The following ZIC5 variants were observed in gnomAD, a reference collection of about 807,000 sequenced individuals.
ZIC5 encodes Zic family zinc finger 5, also known as zinc finger protein ZIC 5.
Under a neutral mutation model 28.5 loss-of-function variants are expected in ZIC5, and 20 were observed. That is an observed-to-expected ratio of 0.70 (90% CI 0.49 to 1.02). The LOEUF is 1.02. ZIC5 is among the 50% of genes least tolerant of loss of function. The pLI, the probability that ZIC5 is intolerant of heterozygous loss-of-function variation, is 0.00. For missense variants in ZIC5, 951 were observed against 899.7 expected, an observed-to-expected ratio of 1.06 and a Z score of -0.73; for synonymous variants, 488 against 410.4, an observed-to-expected ratio of 1.19 and a Z score of -2.29.
chr13:99,966,578 G>T (rs1566396024), intron 1 of ZIC5, among the ~76,000 whole-genome samples: 1 of 152,128 alleles, frequency 6.6e-6, no homozygotes, highest in Non-Finnish European at 1.5e-5. Flanking sequence ...AGCAGATCGA[G>T]CTTTAACATA....
chr13:99,967,180 G>GT (rs1331116387), intron 1 of ZIC5, among the ~76,000 whole-genome samples: 1 of 152,208 alleles, frequency 6.6e-6, no homozygotes, highest in African/African-American at 2.4e-5. Context: ...TTTTACTGTA[G>GT]TGAGTTTTTA....
Position 99,970,114 on chromosome 13 carries a change from G to C in ZIC5, c.1477+13C>G, listed in dbSNP as rs775290048. 1 of 1,604,120 alleles carries C rather than the reference G, an allele frequency of 6.2e-7. No homozygotes were observed. The highest frequency in any genetic ancestry group is 8.5e-7 in the Non-Finnish European group (1 of 1,176,202). On this transcript the variant is annotated intron_variant, in intron 1 of 1. Transcript: ENST00000267294. ...TGGCGGCGGCGGCGGCGCGGCCGGG[G>C]ACAGACACCCACCTGTATGAGTACG...
At position 99,971,624 on chromosome 13, in the gene ZIC5, C is replaced by T; in HGVS notation, c.-21G>A. 6.4e-7 allele frequency: 1 copy of T among 1,560,458 alleles called. No individual in the cohort carries two copies. The highest frequency in any genetic ancestry group is 8.7e-7 in the Non-Finnish European group (1 of 1,150,948). On this transcript the variant is annotated 5_prime_UTR_variant, in exon 1 of 2. The change abolishes an upstream ATG in the 5' untranslated region. Transcript: ENST00000267294. ...TCCATCAGAACTACACAATCAGGCCCATAGACCCTCACTGGGGGGACTTTA... is the reference window on the plus strand; with the variant it reads ...TCCATCAGAACTACACAATCAGGCCTATAGACCCTCACTGGGGGGACTTTA...
At chr13:99,967,937 A>G (rs553451875) in intron 1 of ZIC5, among the ~76,000 whole-genome samples, 1 of 152,340 alleles carries the variant, frequency 6.6e-6, no homozygotes, top group South Asian at 2.1e-4. Flanking sequence ...GAATTTAACT[A>G]TTTACAGAGT....
chr13:99,968,404 C>A (rs1415516633), intron 1 of ZIC5, among the ~76,000 whole-genome samples: 2 of 152,122 alleles, frequency 1.3e-5, no homozygotes, highest in Admixed American at 6.5e-5. Flanking sequence ...CAAATGACCG[C>A]GGGTCCCCTC....
Position 99,971,535 on chromosome 13 carries a change from G to A in ZIC5, c.69C>T (p.Val23=). ...LRLADLATAQ[V]QPLQNMTGFP... ...AGCCTGTCATATTCTGAAGCGGCTG[G>A]ACCTGAGCCGTTGCCAAATCCGCTA... Residue 23 remains valine (V), a synonymous_variant, in exon 1 of 2, where the codon GTC becomes GTT. Transcript: ENST00000267294. 6.4e-7 allele frequency: 1 copy of A among 1,552,132 alleles called. No individual in the cohort carries two copies.
At chr13:99,965,939 A>G in intron 1 of ZIC5, 120 bp from the exon 2 acceptor site, 2 of 1,028,286 alleles carry the variant, frequency 1.9e-6, no homozygotes, top group Non-Finnish European at 2.8e-6. Flanking sequence ...CTCCCAGCCT[A>G]ATTCTTCTTC....
intron 1 of ZIC5, 140 bp downstream of exon 1, chr13:99,969,987 G>A: frequency 7.5e-7 from 1 of 1,333,818 alleles, no homozygotes; most frequent in Admixed American, 2.4e-5. Context: ...ACATGTCCGG[G>A]TTATACGTAT....
rs965446990 is a variant in ZIC5 at position 99,965,217 on chromosome 13, G to A, written c.*160C>T. On this transcript the variant is annotated 3_prime_UTR_variant, in exon 2 of 2. Transcript: ENST00000267294. Reference sequence around the variant, plus strand: ...AATATCTTAATTAAATTAATTAAATGTACAAACACCATAGGGTTTCATACT... The same window carrying A: ...AATATCTTAATTAAATTAATTAAATATACAAACACCATAGGGTTTCATACT... The A allele has an allele frequency of 9.1e-6, 3 of 330,270 alleles. No homozygotes were observed. Among genetic ancestry groups the A allele is most frequent in the African/African-American group, 6.9e-5 (3 of 43,580 alleles). The allele number at this position is 330,270 out of a possible 1,614,324, so 20.5% of individuals were successfully genotyped here. A position where few individuals can be genotyped will look rare whatever the true frequency, so the allele number is the denominator to read the frequency against.
At chr13:99,969,395 ATGATG>A (rs921048444) in intron 1 of ZIC5, among the ~76,000 whole-genome samples, 35 of 151,964 alleles carry the variant, frequency 2.3e-4, no homozygotes, top group Admixed American at 1.5e-3. Context: ...GGGCGTGTAA[ATGATG>A]TGAGTGTGAG....
At chr13:99,968,516 G>A (rs535602306) in intron 1 of ZIC5, among the ~76,000 whole-genome samples, 92 of 152,192 alleles carry the variant, frequency 6.0e-4, no homozygotes, top group Non-Finnish European at 1.1e-3. Flanking sequence ...CCCGCCGGGG[G>A]CCCGGATCGG....
intron 1 of ZIC5, among the ~76,000 whole-genome samples, chr13:99,967,248 A>C (rs752598313): frequency 6.6e-6 from 1 of 152,236 alleles, no homozygotes; most frequent in Non-Finnish European, 1.5e-5. Flanking sequence ...CACATCTGAG[A>C]GTATTCAGGC....
Position 99,971,069 on chromosome 13 carries a change from G to C in ZIC5, c.535C>G (p.Leu179Val). The C allele has an allele frequency of 7.0e-7, 1 of 1,428,572 alleles. No individual in the cohort carries two copies. The highest frequency in any genetic ancestry group is 9.1e-7 in the Non-Finnish European group (1 of 1,102,928). The allele number at this position is 1,428,572 out of a possible 1,614,324, so 88.5% of individuals were successfully genotyped here. ...GCCGCCGCGGGGGCCGTGGCGGAAA[G>C]GTCCCTCCGGAGGACGAAGTCCCTG... ...HSRDFVLRRD[L>V]SATAPAAAMH... The change falls in exon 1 of 2, where the codon CTT (leucine) becomes GTT (valine). Residue 179 changes from leucine (L) to valine (V), a missense_variant. Leu to Val is a conservative substitution (Grantham distance 32). Around this residue, in one of 3 missense-constraint regions of ZIC5, gnomAD observed 784 missense variants for 660.1 expected, o/e 1.19. Transcript: ENST00000267294.
In ZIC5 at chr13:99,970,107, G is replaced by A; in HGVS notation, c.1477+20C>T. 1.9e-6 allele frequency: 3 copies of A among 1,592,424 alleles called. No homozygotes were observed. The highest frequency in any genetic ancestry group is 2.6e-6 in the Non-Finnish European group (3 of 1,170,570). On this transcript the variant is annotated intron_variant, in intron 1 of 1. Transcript: ENST00000267294. Reference sequence around the variant, plus strand: ...GAGCTGGTGGCGGCGGCGGCGGCGCGGCCGGGGACAGACACCCACCTGTAT... The same window carrying A: ...GAGCTGGTGGCGGCGGCGGCGGCGCAGCCGGGGACAGACACCCACCTGTAT...
At chr13:99,969,281 G>A (rs2053126441) in intron 1 of ZIC5, among the ~76,000 whole-genome samples, 1 of 152,218 alleles carries the variant, frequency 6.6e-6, no homozygotes, top group African/African-American at 2.4e-5. Context: ...CACCGATGGT[G>A]GGAGGCTCGG....
rs1329630621 is a variant in ZIC5 at position 99,963,480 on chromosome 13, T to C, written c.*1897A>G. The C allele has an allele frequency of 6.6e-6, 1 of 152,546 alleles. No homozygotes were observed. The highest frequency in any genetic ancestry group is 1.5e-5 in the Non-Finnish European group (1 of 68,020). 9.4% of individuals were successfully genotyped at this position (152,546 alleles called of 1,614,324 possible). ...ATGTTTCATATTCATCACAACAATCTGAAGACAACATTGAAAGGCTTTCCA... is the reference window on the plus strand; with the variant it reads ...ATGTTTCATATTCATCACAACAATCCGAAGACAACATTGAAAGGCTTTCCA... On this transcript the variant is annotated 3_prime_UTR_variant, in exon 2 of 2. Transcript: ENST00000267294.
chr13:99,970,016 A>T lies in ZIC5; in HGVS notation c.1477+111T>A. The stretch of plus-strand genomic sequence containing the variant: ...TACGTATGCGAAGAGAAGCAGCAGA[A>T]GGAGAAAAAAATTAAGGCGAGCAGG... On this transcript the variant is annotated intron_variant, in intron 1 of 1. Transcript: ENST00000267294. The T allele has an allele frequency of 1.3e-6, 2 of 1,517,358 alleles. 1 individual carries two copies. Among genetic ancestry groups the T allele is most frequent in the South Asian group, 2.3e-5 (2 of 86,132 alleles). The allele number at this position is 1,517,358 out of a possible 1,614,324, so 94.0% of individuals were successfully genotyped here.
At chr13:99,968,321 C>T (rs114626867) in intron 1 of ZIC5, among the ~76,000 whole-genome samples, 9,103 of 152,246 alleles carry the variant, frequency 0.06, 466 homozygotes, top group African/African-American at 0.13. Context: ...CCACGCTCCA[C>T]CGGGTGGGGC....
rs2053150087 is a variant in ZIC5 at position 99,970,883 on chromosome 13, C to G, written c.721G>C (p.Asp241His). The G allele has an allele frequency of 2.3e-6, 3 of 1,295,864 alleles. No homozygotes were observed. Among genetic ancestry groups the G allele is most frequent in the South Asian group, 5.1e-5 (2 of 38,980 alleles). The allele number at this position is 1,295,864 out of a possible 1,614,324, so 80.3% of individuals were successfully genotyped here. A position where few individuals can be genotyped will look rare whatever the true frequency, so the allele number is the denominator to read the frequency against. ...TGGCCGCCTGGGGCCCCCGGCGTGT[C>G]GTGCAGCGCGGGGAAGAGCGCCGGG... The part of the protein sequence containing the change: ...GGPALFPALH[D>H]TPGAPGGHPH... The change falls in exon 1 of 2, where the codon GAC (aspartate) becomes CAC (histidine). Residue 241 changes from aspartate to histidine, a missense_variant. Transcript: ENST00000267294.
Sources: gnomAD v4.1 joint callset for allele counts (sites outside exome capture counted in the v4.1 genomes callset) on GRCh38, gnomAD v4.1.1 for gene constraint, gnomAD v4.1.1 regional missense constraint, MANE v1.5 for transcripts, NCBI Gene and HGNC (gene_info 2026-07-23, HGNC 2026-07-21) for gene names.